The following RNF180 variants were observed in gnomAD, a reference collection of about 807,000 sequenced individuals.
RNF180 encodes E3 ubiquitin-protein ligase RNF180.
A neutral mutation model predicts 59.2 loss-of-function variants in RNF180; 38 were observed. That is an observed-to-expected ratio of 0.64 (90% CI 0.50 to 0.84). The LOEUF is 0.84. Ranked by LOEUF, RNF180 falls within the 40% of genes least tolerant of loss-of-function variation. The pLI is 0.00. For synonymous variants in RNF180, 262 were observed against 240.3 expected (o/e 1.09, Z -0.84); for missense variants, 705 against 700.9 (o/e 1.01, Z -0.07).
intron 7 of RNF180, among the ~76,000 whole-genome samples, chr5:64,337,988 C>T (rs1223260975): frequency 6.6e-6 from 1 of 152,100 alleles, no homozygotes; most frequent in Non-Finnish European, 1.5e-5. Flanking sequence ...GTCTTTATAG[C>T]AGCATGATTT....
intron 5 of RNF180, among the ~76,000 whole-genome samples, chr5:64,227,388 G>C (rs937629600): frequency 6.6e-6 from 1 of 152,168 alleles, no homozygotes; most frequent in African/African-American, 2.4e-5. Context: ...CCTGTGGGGG[G>C]TCTGAAGGCT....
intron 5 of RNF180, among the ~76,000 whole-genome samples, chr5:64,227,197 G>A (rs1373863576): frequency 2.0e-5 from 3 of 152,246 alleles, no homozygotes; most frequent in African/African-American, 7.2e-5. Context: ...GAAGGAACAG[G>A]CAGCGGTGGG....
intron 5 of RNF180, among the ~76,000 whole-genome samples, chr5:64,291,122 T>C (rs969195219): frequency 1.3e-5 from 2 of 152,212 alleles, no homozygotes; most frequent in African/African-American, 4.8e-5. Context: ...AATTCTAGGT[T>C]GGAAATTCTT....
chr5:64,325,321 C>T lies in RNF180; in HGVS notation c.1363C>T (p.Pro455Ser). 1 of 1,551,552 alleles carries T rather than the reference C, an allele frequency of 6.4e-7. No homozygotes were observed. The highest frequency in any genetic ancestry group is 1.2e-5 in the South Asian group (1 of 84,050). ...CYPCHHIFCEPCLRTLAKDNP... is the reference protein window; with the variant it reads ...CYPCHHIFCESCLRTLAKDNP... Reference sequence around the variant, plus strand: ...CCCTTGCCATCACATCTTCTGTGAGCCCTGCTTACGGACTCTGGCCAAAGA... The same window carrying T: ...CCCTTGCCATCACATCTTCTGTGAGTCCTGCTTACGGACTCTGGCCAAAGA... The change falls in exon 6 of 8, where the codon CCC becomes TCC. Residue 455 changes from proline (P) to serine (S), a missense_variant. Coordinates refer to ENST00000389100, the MANE Select transcript of RNF180 (RefSeq NM_001113561.2).
intron 5 of RNF180, among the ~76,000 whole-genome samples, chr5:64,236,802 AG>A (rs35645726): frequency 6.6e-6 from 1 of 152,186 alleles, no homozygotes; most frequent in Non-Finnish European, 1.5e-5. Flanking sequence ...AAAGGGGTCA[AG>A]GAACAGCTCA....
chr5:64,227,655 T>G (rs1282725712), intron 5 of RNF180, among the ~76,000 whole-genome samples: 1 of 152,180 alleles, frequency 6.6e-6, no homozygotes, highest in Non-Finnish European at 1.5e-5. Flanking sequence ...CTAAGACTAG[T>G]TCTTCTGGAG....
chr5:64,368,972 A>G (rs1053384031), intron 7 of RNF180, among the ~76,000 whole-genome samples: 53 of 152,274 alleles, frequency 3.5e-4, no homozygotes, highest in African/African-American at 1.2e-3. Flanking sequence ...ATATACCCAA[A>G]GAACTATAAA....
chr5:64,317,815 A>T (rs1383835220), intron 5 of RNF180, among the ~76,000 whole-genome samples: 3 of 150,572 alleles, frequency 2.0e-5, no homozygotes, highest in Non-Finnish European at 4.4e-5. Flanking sequence ...GAAAAATGTA[A>T]GTTAAAAATG....
Position 64,228,871 on chromosome 5 carries a change from A to G in RNF180, c.1227+11475A>G, listed in dbSNP as rs142764473. Among the ~76,000 whole-genome samples, 732 of 151,858 alleles carry G rather than the reference A, an allele frequency of 4.8e-3. 6 individuals are homozygous for G. Among genetic ancestry groups the G allele is most frequent in the African/African-American group, 0.017 (688 of 41,364 alleles). ...AATGCTTTTAAGATAATCTATCAGA[A>G]TAAAAATTGAATGATAATCCATGAC... On this transcript the variant is annotated intron_variant, in intron 5 of 7. Transcript: ENST00000389100.
rs1469239493 is a variant in RNF180, at chr5:64,207,658, G to A, written c.136-4407G>A. Among the ~76,000 whole-genome samples, 2 of 152,050 alleles carry A rather than the reference G, an allele frequency of 1.3e-5. 1 individual carries two copies. The highest frequency in any genetic ancestry group is 4.1e-4 in the South Asian group (2 of 4,824). On this transcript the variant is annotated intron_variant, in intron 2 of 7. Transcript: ENST00000389100. ...AATTAGAAAGGTACCAAGAATTGAG[G>A]CAGGGAGCCTGTTTGTTTTTTAAGT...
chr5:64,167,781 C>G (rs962237840), intron 1 of RNF180, among the ~76,000 whole-genome samples: 1 of 152,062 alleles, frequency 6.6e-6, no homozygotes, highest in African/African-American at 2.4e-5. Context: ...TGTGCTTAGA[C>G]TTAATTGTTG....
At chr5:64,193,402 T>C (rs906470570) in intron 1 of RNF180, among the ~76,000 whole-genome samples, 3 of 152,170 alleles carry the variant, frequency 2.0e-5, no homozygotes, top group Non-Finnish European at 4.4e-5. Flanking sequence ...TCCAAACTCA[T>C]CAAAATGTAT....
At chr5:64,214,877 T>A (rs1465039314) in intron 4 of RNF180, among the ~76,000 whole-genome samples, 1 of 152,114 alleles carries the variant, frequency 6.6e-6, no homozygotes, top group Non-Finnish European at 1.5e-5. Flanking sequence ...AAAATGTTTT[T>A]TTTAAATTTT....
At chr5:64,270,547 T>TA (rs1210535897) in intron 5 of RNF180, among the ~76,000 whole-genome samples, 1 of 152,136 alleles carries the variant, frequency 6.6e-6, no homozygotes, top group African/African-American at 2.4e-5. Flanking sequence ...ATTTAATTCT[T>TA]ACAACAGTTC....
At chr5:64,329,496 C>T (rs1274131113) in intron 6 of RNF180, among the ~76,000 whole-genome samples, 3 of 137,670 alleles carry the variant, frequency 2.2e-5, no homozygotes, top group Admixed American at 1.6e-4. Context: ...CTCACTTCTT[C>T]GCCCAGGCTG....
chr5:64,273,581 A>G (rs781651556), intron 5 of RNF180, among the ~76,000 whole-genome samples: 1 of 152,166 alleles, frequency 6.6e-6, no homozygotes, highest in East Asian at 1.9e-4. Flanking sequence ...ATTTCAAGAT[A>G]TTTGAAAAAA....
At chr5:64,333,344 T>C (rs2112544609) in intron 7 of RNF180, among the ~76,000 whole-genome samples, 1 of 152,180 alleles carries the variant, frequency 6.6e-6, no homozygotes, top group African/African-American at 2.4e-5. Flanking sequence ...TGCCAAGCTT[T>C]TTAGTAGAGA....
intron 2 of RNF180, among the ~76,000 whole-genome samples, chr5:64,204,701 A>G (rs1751928171): frequency 2.0e-5 from 3 of 151,912 alleles, no homozygotes; most frequent in Non-Finnish European, 4.4e-5. Flanking sequence ...TCTGTCCTTT[A>G]TGTGTTGTAC....
At chr5:64,262,338 TA>T (rs1412922022) in intron 5 of RNF180, among the ~76,000 whole-genome samples, 1 of 152,172 alleles carries the variant, frequency 6.6e-6, no homozygotes, top group Non-Finnish European at 1.5e-5. Flanking sequence ...GACCATCAAT[TA>T]ATGCATCTGT....
Sources: allele counts gnomAD v4.1 joint callset (sites outside exome capture counted in the v4.1 genomes callset), GRCh38; gene constraint gnomAD v4.1.1; transcripts MANE v1.5; gene names NCBI Gene and HGNC (gene_info 2026-07-23, HGNC 2026-07-21).